The following PRKCA variants were observed in gnomAD, a reference collection of about 807,000 sequenced individuals.
PRKCA encodes the protein protein kinase C alpha type.
A neutral mutation model predicts 87.0 loss-of-function variants in PRKCA; 27 were observed. The ratio of observed to expected loss-of-function variants is 0.31; its 90% confidence interval spans 0.23 to 0.43. PRKCA has a LOEUF of 0.43. Among genes scored for constraint, PRKCA ranks in the 20% least tolerant of loss-of-function variants. The pLI, the probability that PRKCA is intolerant of heterozygous loss-of-function variation, is 1.00. For synonymous variants in PRKCA, 329 were observed against 311.1 expected, an observed-to-expected ratio of 1.06 and a Z score of -0.61; for missense variants, 518 against 852.3, an observed-to-expected ratio of 0.61 and a Z score of 4.88.
At chr17:66,407,702 T>A (rs1911498418) in intron 2 of PRKCA, among the ~76,000 whole-genome samples, 1 of 152,128 alleles carries the variant, frequency 6.6e-6, no homozygotes, top group African/African-American at 2.4e-5. Context: ...ATGTTTTGCA[T>A]TTTTTGTTTA....
chr17:66,446,142 G>A (rs1914022614), intron 2 of PRKCA, among the ~76,000 whole-genome samples: 1 of 152,116 alleles, frequency 6.6e-6, no homozygotes, highest in East Asian at 1.9e-4. Context: ...AGAAGTTAAG[G>A]TGAGTTTTAG....
intron 13 of PRKCA, among the ~76,000 whole-genome samples, chr17:66,753,131 C>A (rs1366909334): frequency 2.6e-5 from 4 of 152,200 alleles, no homozygotes; most frequent in African/African-American, 9.6e-5. Flanking sequence ...CTGGATTTGG[C>A]CTACAGGCTA....
chr17:66,605,874 A>T (rs754671486), intron 3 of PRKCA, among the ~76,000 whole-genome samples: 73 of 152,232 alleles, frequency 4.8e-4, no homozygotes, highest in Admixed American at 2.0e-3. Context: ...ATCCAGAATA[A>T]GCAAATCTGT....
At chr17:66,749,294 C>T (rs981717210) in intron 13 of PRKCA, among the ~76,000 whole-genome samples, 1 of 151,752 alleles carries the variant, frequency 6.6e-6, no homozygotes, top group Admixed American at 6.6e-5. Context: ...CCCTGCCCTC[C>T]ACCCCTCCGG....
rs139712422 is a variant in PRKCA, at chr17:66,480,209, T to C, written c.206-15992T>C. On this transcript the variant is annotated intron_variant, in intron 2 of 16. Coordinates refer to ENST00000413366, the MANE Select transcript of PRKCA (RefSeq NM_002737.3). ...TGGAGACTTTCCTAGTTCCTTTGTC[T>C]CGTGTTTTTCCCCAGTTGCTCTCCA... Among the ~76,000 whole-genome samples the C allele has an allele frequency of 1.0e-3, 155 of 152,308 alleles. 1 individual carries two copies. The highest frequency in any genetic ancestry group is 3.0e-3 in the Admixed American group (46 of 15,294).
intron 5 of PRKCA, among the ~76,000 whole-genome samples, chr17:66,658,113 C>T (rs1365866528): frequency 6.6e-6 from 1 of 152,170 alleles, no homozygotes; most frequent in East Asian, 1.9e-4. Flanking sequence ...GAAGCAAACA[C>T]ATCCTTCTTC....
intron 12 of PRKCA, among the ~76,000 whole-genome samples, chr17:66,741,944 C>G (rs1023493680): frequency 1.3e-5 from 2 of 152,280 alleles, no homozygotes; most frequent in African/African-American, 4.8e-5. Context: ...ACTTTTTCCA[C>G]AAGAAAACAC....
At chr17:66,435,441 G>A (rs1425771991) in intron 2 of PRKCA, among the ~76,000 whole-genome samples, 1 of 152,216 alleles carries the variant, frequency 6.6e-6, no homozygotes, top group East Asian at 1.9e-4. Flanking sequence ...GATGGTGCTT[G>A]TGTGCTGTGT....
chr17:66,787,900 G>A (rs2144381978), intron 15 of PRKCA, among the ~76,000 whole-genome samples: 1 of 152,326 alleles, frequency 6.6e-6, no homozygotes, highest in South Asian at 2.1e-4. Flanking sequence ...TTGCTGTGCA[G>A]TGTTCCACTG....
chr17:66,579,499 C>T (rs1211637949), intron 3 of PRKCA, among the ~76,000 whole-genome samples: 2 of 152,188 alleles, frequency 1.3e-5, no homozygotes, highest in Non-Finnish European at 2.9e-5. Context: ...TCATCACGTC[C>T]TCATACGACA....
intron 2 of PRKCA, among the ~76,000 whole-genome samples, chr17:66,313,138 C>T (rs1905158334): frequency 6.6e-6 from 1 of 152,102 alleles, no homozygotes; most frequent in Admixed American, 6.6e-5. Flanking sequence ...TTTGTGTCTC[C>T]AGTGTGTAAT....
At chr17:66,612,198 T>C (rs1471827956) in intron 3 of PRKCA, among the ~76,000 whole-genome samples, 1 of 151,602 alleles carries the variant, frequency 6.6e-6, no homozygotes, top group Non-Finnish European at 1.5e-5. Context: ...CTGGTCAACA[T>C]GGTAAAACCC....
intron 2 of PRKCA, among the ~76,000 whole-genome samples, chr17:66,466,439 C>G (rs1336145477): frequency 1.3e-5 from 2 of 152,154 alleles, no homozygotes; most frequent in African/African-American, 4.8e-5. Context: ...TGGGAACTTG[C>G]TTGTGGAGCT....
chr17:66,760,126 T>C (rs1303800081), intron 13 of PRKCA, among the ~76,000 whole-genome samples: 2 of 152,178 alleles, frequency 1.3e-5, no homozygotes, highest in Non-Finnish European at 2.9e-5. Flanking sequence ...CAAGCTCACA[T>C]AGAACATTCA....
chr17:66,391,255 C>T (rs1300003252), intron 2 of PRKCA, among the ~76,000 whole-genome samples: 1 of 152,226 alleles, frequency 6.6e-6, no homozygotes, highest in African/African-American at 2.4e-5. Context: ...TGCTTCAAGA[C>T]ATCATTCAAC....
intron 3 of PRKCA, among the ~76,000 whole-genome samples, chr17:66,615,722 G>T (rs1412582813): frequency 2.0e-5 from 3 of 152,154 alleles, no homozygotes; most frequent in Admixed American, 6.5e-5. Context: ...GCACATCCCT[G>T]TGCAGTGAAA....
intron 10 of PRKCA, 21 bp from the exon 11 acceptor site, chr17:66,738,743 G>A (rs528799543): frequency 6.2e-7 from 1 of 1,606,298 alleles, no homozygotes; most frequent in Non-Finnish European, 8.5e-7. Context: ...CCCTGCTCAT[G>A]TGTTGAACCT....
intron 14 of PRKCA, among the ~76,000 whole-genome samples, chr17:66,782,257 C>A (rs1213670016): frequency 6.7e-6 from 1 of 150,186 alleles, no homozygotes; most frequent in Non-Finnish European, 1.5e-5. Context: ...TAGTCTCTAT[C>A]TTTGCAACAG....
At chr17:66,478,121 G>A (rs1179163761) in intron 2 of PRKCA, among the ~76,000 whole-genome samples, 1 of 152,172 alleles carries the variant, frequency 6.6e-6, no homozygotes, top group African/African-American at 2.4e-5. Context: ...AATTGTAAAA[G>A]GTGTTGGTAG....
Sources: allele counts gnomAD v4.1 joint callset (sites outside exome capture counted in the v4.1 genomes callset), GRCh38; gene constraint gnomAD v4.1.1; transcripts MANE v1.5; gene names NCBI Gene and HGNC (gene_info 2026-07-23, HGNC 2026-07-21).